Variants in EML6 observed in about 807,000 individuals in gnomAD.
The protein encoded by EML6 is echinoderm microtubule-associated protein-like 6.
A neutral mutation model predicts 240.1 loss-of-function variants in EML6; 154 were observed. That is an observed-to-expected ratio of 0.64 (90% CI 0.56 to 0.73). The LOEUF (loss-of-function observed/expected upper bound fraction) is 0.73, where lower values mean the gene tolerates loss of function less well. EML6 is among the 30% of genes least tolerant of loss of function. The pLI is 0.00. For synonymous variants in EML6, 1,148 were observed against 899.0 expected, an observed-to-expected ratio of 1.28 and a Z score of -4.95; for missense variants, 2,964 against 2,474.6, an observed-to-expected ratio of 1.20 and a Z score of -4.20.
intron 2 of EML6, among the ~76,000 whole-genome samples, chr2:54,763,559 A>G (rs768837214): frequency 4.6e-5 from 7 of 152,328 alleles, no homozygotes; most frequent in Non-Finnish European, 7.3e-5. Flanking sequence ...AGAATTTAAA[A>G]TCAAACACAG....
intron 25 of EML6, among the ~76,000 whole-genome samples, chr2:54,914,721 T>A (rs1429490308): frequency 2.0e-5 from 3 of 152,126 alleles, no homozygotes; most frequent in African/African-American, 7.2e-5. Flanking sequence ...ATCATGTTAG[T>A]CCCAATATTA....
chr2:54,796,041 A>C (rs1300042966), intron 2 of EML6, among the ~76,000 whole-genome samples: 3 of 152,176 alleles, frequency 2.0e-5, no homozygotes, highest in African/African-American at 7.2e-5. Flanking sequence ...AGATAAAATT[A>C]CACAAATAAG....
chr2:54,901,218 G>C (rs535077366), intron 22 of EML6, among the ~76,000 whole-genome samples: 9 of 152,300 alleles, frequency 5.9e-5, no homozygotes, highest in African/African-American at 2.2e-4. Flanking sequence ...GTAGGTAATG[G>C]AACCAAATTC....
chr2:54,727,159 G>T (rs1682943492), intron 2 of EML6, among the ~76,000 whole-genome samples: 1 of 152,188 alleles, frequency 6.6e-6, no homozygotes, highest in South Asian at 2.1e-4. Context: ...AACTGGGTTT[G>T]CAGGGAGCCT....
chr2:54,836,333 C>G (rs1669140252), intron 7 of EML6, among the ~76,000 whole-genome samples: 1 of 152,232 alleles, frequency 6.6e-6, no homozygotes, highest in Non-Finnish European at 1.5e-5. Context: ...TTCTCATCTT[C>G]TGATATCTCA....
chr2:54,790,540 A>G (rs1406422126), intron 2 of EML6, among the ~76,000 whole-genome samples: 2 of 152,120 alleles, frequency 1.3e-5, no homozygotes, highest in Non-Finnish European at 2.9e-5. Context: ...TGGAGGGTCC[A>G]TTCTTGTATC....
chr2:54,780,930 T>C (rs1026740139), intron 2 of EML6, among the ~76,000 whole-genome samples: 3 of 152,244 alleles, frequency 2.0e-5, no homozygotes, highest in Non-Finnish European at 4.4e-5. Context: ...TGCTTATTTA[T>C]AATTCTTTGG....
chr2:54,729,190 T>C (rs1304466608), intron 2 of EML6, among the ~76,000 whole-genome samples: 1 of 152,224 alleles, frequency 6.6e-6, no homozygotes, highest in East Asian at 1.9e-4. Flanking sequence ...CAGTGGTAAG[T>C]GTGCAGCACC....
intron 29 of EML6, among the ~76,000 whole-genome samples, chr2:54,949,563 C>G (rs1675869458): frequency 6.6e-6 from 1 of 152,198 alleles, no homozygotes; most frequent in Non-Finnish European, 1.5e-5. Context: ...AGTCAGAGGC[C>G]TCCTGACTGT....
At chr2:54,877,670 A>G (rs1012284349) in intron 16 of EML6, among the ~76,000 whole-genome samples, 5 of 152,248 alleles carry the variant, frequency 3.3e-5, no homozygotes, top group Non-Finnish European at 7.3e-5. Context: ...ACATTTAAGC[A>G]TAAGGGGATA....
intron 14 of EML6, chr2:54,867,123 C>G: frequency 3.0e-6 from 1 of 329,316 alleles, no homozygotes; most frequent in Non-Finnish European, 5.6e-6. Flanking sequence ...TCTCAGACTT[C>G]ATATAATTCC....
intron 2 of EML6, among the ~76,000 whole-genome samples, chr2:54,810,100 T>C (rs996427766): frequency 6.6e-6 from 1 of 152,160 alleles, no homozygotes; most frequent in African/African-American, 2.4e-5. Flanking sequence ...CTCTGGCTCA[T>C]GAAAGGAGAA....
chr2:54,750,651 T>C (rs1180126172), intron 2 of EML6, among the ~76,000 whole-genome samples: 1 of 152,184 alleles, frequency 6.6e-6, no homozygotes, highest in Non-Finnish European at 1.5e-5. Flanking sequence ...CTGGCCGATT[T>C]TTTTGAACCT....
intron 5 of EML6, among the ~76,000 whole-genome samples, chr2:54,825,273 T>C (rs1668532391): frequency 1.3e-5 from 2 of 152,242 alleles, no homozygotes; most frequent in Admixed American, 1.3e-4. Context: ...TTCTTTGGCA[T>C]GTTGGTGCAA....
chr2:54,840,586 G>A (rs1308348221), intron 7 of EML6, among the ~76,000 whole-genome samples: 3 of 152,160 alleles, frequency 2.0e-5, no homozygotes, highest in Admixed American at 6.5e-5. Flanking sequence ...CTGAAATAAA[G>A]GAATGAATAT....
At chr2:54,802,808 A>AT (rs1385709512) in intron 2 of EML6, among the ~76,000 whole-genome samples, 1 of 152,178 alleles carries the variant, frequency 6.6e-6, no homozygotes, top group East Asian at 1.9e-4. Flanking sequence ...CATTTGGCAG[A>AT]TGAAAACTAC....
chr2:54,815,478 T>C (rs1668043334), intron 3 of EML6, among the ~76,000 whole-genome samples: 1 of 152,196 alleles, frequency 6.6e-6, no homozygotes, highest in African/African-American at 2.4e-5. Flanking sequence ...ATGAACAAAA[T>C]AGGTTTCTTT....
rs76061886 is a variant in EML6, at chr2:54,808,059, A to T, written c.198-5173A>T. 1.7e-4 allele frequency among the ~76,000 whole-genome samples: 26 copies of T among 152,340 alleles called. 1 individual carries two copies. In the East Asian group the frequency reaches 5.0e-3, roughly 29 times the overall value. On this transcript the variant is annotated intron_variant, in intron 2 of 41. Coordinates refer to ENST00000356458, the MANE Select transcript of EML6 (RefSeq NM_001039753.4). The stretch of plus-strand genomic sequence containing the variant: ...GACCCCCCCTGCTTAACTATGGATT[A>T]TACGGGTTCTGTGGGGTTCACACAA...
At chr2:54,850,403 T>TC (rs138550864) in intron 10 of EML6, 185 bp downstream of exon 10, 7,324 of 580,668 alleles carry the variant, frequency 0.013, 457 homozygotes, top group African/African-American at 0.12. Flanking sequence ...TAACAGACAT[T>TC]CAAAGGAAAG....
Sources: allele counts gnomAD v4.1 joint callset (sites outside exome capture counted in the v4.1 genomes callset), GRCh38; gene constraint gnomAD v4.1.1; transcripts MANE v1.5; gene names NCBI Gene and HGNC (gene_info 2026-07-23, HGNC 2026-07-21).